RNFT2: variants seen among roughly 807,000 people sequenced by gnomAD.
The protein encoded by RNFT2 is ring finger protein, transmembrane 2, also known as E3 ubiquitin-protein ligase RNFT2.
RNFT2 carries 36 observed loss-of-function variants against 53.0 expected under a neutral mutation model. The observed-to-expected ratio is 0.68, with a 90% confidence interval of 0.52 to 0.90. The LOEUF is 0.90. Ranked by LOEUF, RNFT2 falls within the 40% of genes least tolerant of loss-of-function variation. The probability of loss-of-function intolerance (pLI) is 0.00; values close to 1 mark genes in which losing one functional copy is unlikely to be tolerated. For synonymous variants in RNFT2, 260 were observed against 253.2 expected (o/e 1.03, Z -0.26); for missense variants, 514 against 585.6 (o/e 0.88, Z 1.26).
chr12:116,784,306 G>C (rs745914213), intron 7 of RNFT2, among the ~76,000 whole-genome samples: 4 of 152,204 alleles, frequency 2.6e-5, no homozygotes, highest in African/African-American at 9.6e-5. Context: ...CGCACGTGTC[G>C]TGTCCTCTTA....
intron 3 of RNFT2, chr12:116,748,758 C>A: frequency 2.4e-6 from 1 of 417,678 alleles, no homozygotes; most frequent in Non-Finnish European, 4.8e-6. Flanking sequence ...ATTCTAGAAT[C>A]ATAGAATTCT....
Position 116,827,650 on chromosome 12 carries a change from A to G in RNFT2, c.883-6142A>G, listed in dbSNP as rs143580547. ...ACCCATTCACTTACCTATTGTCCACAGCTATTTTCCTACTGTAGTGACAGA... is the reference window on the plus strand; with the variant it reads ...ACCCATTCACTTACCTATTGTCCACGGCTATTTTCCTACTGTAGTGACAGA... On this transcript the variant is annotated intron_variant, in intron 7 of 10. Coordinates refer to ENST00000257575, the MANE Select transcript of RNFT2 (RefSeq NM_001382266.1). Among the ~76,000 whole-genome samples, 43 of 152,378 alleles carry G rather than the reference A, an allele frequency of 2.8e-4. No individual in the cohort carries two copies. In the East Asian group the frequency reaches 8.1e-3, roughly 29 times the overall value.
At chr12:116,760,053 C>A (rs1872638967) in intron 5 of RNFT2, among the ~76,000 whole-genome samples, 2 of 152,192 alleles carry the variant, frequency 1.3e-5, no homozygotes, top group South Asian at 4.2e-4. Flanking sequence ...GATGACATTC[C>A]CAGGTCACTG....
chr12:116,822,854 A>G (rs111707873), intron 7 of RNFT2, among the ~76,000 whole-genome samples: 14,935 of 152,094 alleles, frequency 0.098, 1,256 homozygotes, highest in African/African-American at 0.23. Context: ...AAAATTAGCC[A>G]GCCATGGTGG....
In RNFT2 at chr12:116,749,441, C is replaced by A. The variant is rs561673517; in HGVS notation, c.84-400C>A. Among the ~76,000 whole-genome samples the A allele has an allele frequency of 2.0e-5, 3 of 152,198 alleles. No homozygotes were observed. In the South Asian group the frequency reaches 6.2e-4, roughly 32 times the overall value. On this transcript the variant is annotated intron_variant, in intron 3 of 10. Transcript: ENST00000257575. ...TACAGGCATGCGCCACCATGCCTGG[C>A]TAATTTAGCTCTATTTCTTGTAAAG...
chr12:116,762,075 A>C (rs1358875109), intron 5 of RNFT2, among the ~76,000 whole-genome samples: 2 of 151,390 alleles, frequency 1.3e-5, no homozygotes, highest in Non-Finnish European at 2.9e-5. Context: ...AAAAAAAAAA[A>C]AAAAACAGAA....
chr12:116,842,075 C>T (rs929611424), intron 10 of RNFT2, among the ~76,000 whole-genome samples: 1 of 150,056 alleles, frequency 6.7e-6, no homozygotes, highest in South Asian at 2.1e-4. Flanking sequence ...GTGGTCCTCT[C>T]CTGGCTCAAC....
chr12:116,795,878 C>T (rs1874481146), intron 7 of RNFT2, among the ~76,000 whole-genome samples: 1 of 151,974 alleles, frequency 6.6e-6, no homozygotes, highest in African/African-American at 2.4e-5. Context: ...TTTTGAGGCT[C>T]CCAGCTTCTT....
In RNFT2 at chr12:116,852,236, T is replaced by A; in HGVS notation, c.*2788T>A. 7.8e-7 allele frequency: 1 copy of A among 1,276,648 alleles called. No individual in the cohort carries two copies. The highest frequency in any genetic ancestry group is 9.9e-7 in the Non-Finnish European group (1 of 1,007,526). 79.1% of individuals were successfully genotyped at this position (1,276,648 alleles called of 1,614,324 possible). A position where few individuals can be genotyped will look rare whatever the true frequency, so the allele number is the denominator to read the frequency against. ...CAGAGAAAGCAATCTGTGTGGCTAG[T>A]GGGCAGATTACCATGCAAGCCCCAG... On this transcript the variant is annotated 3_prime_UTR_variant, in exon 11 of 11. Coordinates refer to ENST00000257575, the MANE Select transcript of RNFT2 (RefSeq NM_001382266.1).
At chr12:116,799,956 G>A (rs1366946063) in intron 7 of RNFT2, among the ~76,000 whole-genome samples, 5 of 152,164 alleles carry the variant, frequency 3.3e-5, no homozygotes, top group East Asian at 1.9e-4. Context: ...TGTGAATGGC[G>A]TGGTACCCTC....
chr12:116,795,876 C>T (rs1355807529), intron 7 of RNFT2, among the ~76,000 whole-genome samples: 1 of 152,056 alleles, frequency 6.6e-6, no homozygotes, highest in Non-Finnish European at 1.5e-5. Flanking sequence ...TCTTTTGAGG[C>T]TCCCAGCTTC....
intron 7 of RNFT2, among the ~76,000 whole-genome samples, chr12:116,822,512 G>C (rs991706601): frequency 6.6e-6 from 1 of 152,178 alleles, no homozygotes; most frequent in Non-Finnish European, 1.5e-5. Flanking sequence ...TGTAAAGTGA[G>C]AGTATTAATA....
chr12:116,845,982 G>A (rs1282642657), intron 10 of RNFT2, among the ~76,000 whole-genome samples: 1 of 152,090 alleles, frequency 6.6e-6, no homozygotes, highest in Non-Finnish European at 1.5e-5. Flanking sequence ...CGACTCAAGT[G>A]TCCCCACCTC....
chr12:116,817,966 A>G (rs1045640234), intron 7 of RNFT2, among the ~76,000 whole-genome samples: 4 of 152,222 alleles, frequency 2.6e-5, no homozygotes, highest in African/African-American at 4.8e-5. Flanking sequence ...GCAAATATAG[A>G]ACTTCAAGTT....
At chr12:116,821,175 C>G (rs58963573) in intron 7 of RNFT2, among the ~76,000 whole-genome samples, 5,737 of 152,152 alleles carry the variant, frequency 0.038, 244 homozygotes, top group East Asian at 0.13. Flanking sequence ...TGCCATTTCT[C>G]TCTTCCTTTC....
At chr12:116,779,529 G>T (rs1279255349) in intron 7 of RNFT2, among the ~76,000 whole-genome samples, 181 bp downstream of exon 7, 2 of 152,176 alleles carry the variant, frequency 1.3e-5, no homozygotes, top group Non-Finnish European at 2.9e-5. Flanking sequence ...GCTGAGCATG[G>T]CTCTTTGTCA....
chr12:116,794,695 G>GGAAGGAA lies in RNFT2; in HGVS notation c.882+15348_882+15349insAAGGAAG, dbSNP rs1566083555. 6.4e-4 allele frequency among the ~76,000 whole-genome samples: 87 copies of GGAAGGAA among 135,780 alleles called. 1 individual carries two copies. The highest frequency in any genetic ancestry group is 3.8e-3 in the Middle Eastern group (1 of 262). 89.1% of individuals were successfully genotyped at this position (135,780 alleles called of 152,430 possible). On this transcript the variant is annotated intron_variant, in intron 7 of 10. Coordinates refer to ENST00000257575, the MANE Select transcript of RNFT2 (RefSeq NM_001382266.1). ...GGAAGGGAGGGAGGGAGGGAGGGAA[G>GGAAGGAA]GGAAGGGAGGAAAGAAAGAAAGAAA...
intron 7 of RNFT2, among the ~76,000 whole-genome samples, chr12:116,789,543 G>A (rs1592959542): frequency 6.8e-6 from 1 of 146,478 alleles, no homozygotes; most frequent in South Asian, 2.3e-4. Flanking sequence ...TGGGTAAATG[G>A]GAGGAGAGTG....
intron 10 of RNFT2, among the ~76,000 whole-genome samples, chr12:116,845,156 G>T (rs1432503232): frequency 3.4e-5 from 5 of 148,786 alleles, no homozygotes; most frequent in African/African-American, 1.3e-4. Flanking sequence ...AAGCAGGAGG[G>T]TCACTCAAGC....
Sources: allele counts gnomAD v4.1 joint callset (sites outside exome capture counted in the v4.1 genomes callset), GRCh38; gene constraint gnomAD v4.1.1; transcripts MANE v1.5; gene names NCBI Gene and HGNC (gene_info 2026-07-23, HGNC 2026-07-21).